The following SH3GL2 variants were observed in gnomAD, a reference collection of about 807,000 sequenced individuals.
SH3GL2 encodes the protein SH3 domain containing GRB2 like 2, endophilin A1.
A neutral mutation model predicts 46.0 loss-of-function variants in SH3GL2; 24 were observed. The ratio of observed to expected loss-of-function variants is 0.52; its 90% CI spans 0.38 to 0.73. SH3GL2 has a LOEUF of 0.73. Among genes scored for constraint, SH3GL2 ranks in the 30% least tolerant of loss-of-function variants. The pLI is 0.00. For missense variants in SH3GL2, 413 were observed against 424.2 expected, an observed-to-expected ratio of 0.97 and a Z score of 0.23; for synonymous variants, 196 against 147.1, an observed-to-expected ratio of 1.33 and a Z score of -2.40.
intron 1 of SH3GL2, among the ~76,000 whole-genome samples, chr9:17,626,816 C>G (rs1819292228): frequency 6.6e-6 from 1 of 152,304 alleles, no homozygotes; most frequent in South Asian, 2.1e-4. Flanking sequence ...GCCTTTACCT[C>G]CCGTGTCTCT....
At chr9:17,689,924 G>A (rs1365123910) in intron 1 of SH3GL2, among the ~76,000 whole-genome samples, 1 of 152,072 alleles carries the variant, frequency 6.6e-6, no homozygotes, top group East Asian at 1.9e-4. Flanking sequence ...AATTCTGTTT[G>A]TTCCTCTGTC....
chr9:17,687,181 T>C (rs889844455), intron 1 of SH3GL2, among the ~76,000 whole-genome samples: 3 of 152,160 alleles, frequency 2.0e-5, no homozygotes, highest in Admixed American at 6.5e-5. Context: ...ATTTTTCTTA[T>C]AATCATTTCA....
At chr9:17,793,228 G>A in intron 7 of SH3GL2, 139 bp from the exon 8 acceptor site, 1 of 708,344 alleles carries the variant, frequency 1.4e-6, no homozygotes, top group Admixed American at 3.1e-5. Context: ...AGAAAACTAA[G>A]GGTCCTTTTT....
At chr9:17,685,001 T>G (rs775003756) in intron 1 of SH3GL2, among the ~76,000 whole-genome samples, 21 of 152,142 alleles carry the variant, frequency 1.4e-4, no homozygotes, top group Admixed American at 1.2e-3. Context: ...TGAATTTGTC[T>G]GTGATGTTTG....
At chr9:17,603,719 G>A (rs1396759912) in intron 1 of SH3GL2, among the ~76,000 whole-genome samples, 1 of 152,128 alleles carries the variant, frequency 6.6e-6, no homozygotes, top group East Asian at 1.9e-4. Context: ...AATTAGCCGA[G>A]TGTGGTGGTG....
intron 1 of SH3GL2, among the ~76,000 whole-genome samples, chr9:17,699,216 C>T (rs960519088): frequency 4.7e-5 from 7 of 150,062 alleles, no homozygotes; most frequent in Non-Finnish European, 8.9e-5. Flanking sequence ...AGCCAAAATT[C>T]GGTGAAATAT....
At chr9:17,666,316 ATT>A (rs1820339837) in intron 1 of SH3GL2, among the ~76,000 whole-genome samples, 1 of 151,780 alleles carries the variant, frequency 6.6e-6, no homozygotes, top group South Asian at 2.1e-4. Flanking sequence ...GATTTTATTT[ATT>A]TGGATATATG....
Position 17,707,437 on chromosome 9 carries a change from A to T in SH3GL2, c.46-39629A>T, listed in dbSNP as rs144891814. The stretch of plus-strand genomic sequence containing the variant: ...TCTTTTATGTGTTTGAAAGCTGTGC[A>T]ATCAAAGGACAATGGAGACAGAACA... On this transcript the variant is annotated intron_variant, in intron 1 of 8. Coordinates refer to ENST00000380607, the MANE Select transcript of SH3GL2 (RefSeq NM_003026.5). 2.2e-3 allele frequency among the ~76,000 whole-genome samples: 328 copies of T among 152,180 alleles called. 3 individuals are homozygous for T. Among genetic ancestry groups the T allele is most frequent in the African/African-American group, 7.6e-3 (317 of 41,542 alleles).
intron 1 of SH3GL2, among the ~76,000 whole-genome samples, chr9:17,614,295 G>GAAAAAAAAAAAAAAAAAAAAA: frequency 1.4e-5 from 1 of 70,302 alleles, no homozygotes. Context: ...CATGGTTTCT[G>GAAAAAAAAAAAAAAAAAAAAA]AAAAAAAAAA....
intron 1 of SH3GL2, among the ~76,000 whole-genome samples, chr9:17,742,727 G>A (rs1822561491): frequency 6.6e-6 from 1 of 152,182 alleles, no homozygotes; most frequent in South Asian, 2.1e-4. Flanking sequence ...GAGTGTATGG[G>A]AAGTATAATA....
chr9:17,782,661 C>T (rs1823843826), intron 3 of SH3GL2, among the ~76,000 whole-genome samples: 1 of 152,262 alleles, frequency 6.6e-6, no homozygotes, highest in South Asian at 2.1e-4. Context: ...TATCAGCAGC[C>T]TCTAGTGCCA....
intron 1 of SH3GL2, among the ~76,000 whole-genome samples, chr9:17,609,462 C>G (rs1818820625): frequency 6.6e-6 from 1 of 152,034 alleles, no homozygotes; most frequent in Non-Finnish European, 1.5e-5. Flanking sequence ...AGAATAGAGG[C>G]ATGAAGTTGG....
At chr9:17,760,653 A>G (rs1288613767) in intron 2 of SH3GL2, among the ~76,000 whole-genome samples, 2 of 152,178 alleles carry the variant, frequency 1.3e-5, no homozygotes, top group African/African-American at 2.4e-5. Flanking sequence ...CCTATGTCAT[A>G]TATTACATGT....
At chr9:17,655,800 C>G (rs1160040519) in intron 1 of SH3GL2, among the ~76,000 whole-genome samples, 1 of 152,176 alleles carries the variant, frequency 6.6e-6, no homozygotes, top group African/African-American at 2.4e-5. Context: ...CTGTTGCTCT[C>G]TGAGGGTTAC....
rs1051537148 is a variant in SH3GL2 at position 17,663,563 on chromosome 9, C to A, written c.46-83503C>A. ...TCAAAAAACGTGACCACTCAGGGTT[C>A]TGAAATACGGATTTATTGTTGTTCT... On this transcript the variant is annotated intron_variant, in intron 1 of 8. Transcript: ENST00000380607. Among the ~76,000 whole-genome samples, 5 of 152,142 alleles carry A rather than the reference C, an allele frequency of 3.3e-5. No homozygotes were observed. In the South Asian group the frequency reaches 1.0e-3, roughly 31 times the overall value.
At chr9:17,792,201 C>G (rs957841665) in intron 7 of SH3GL2, among the ~76,000 whole-genome samples, 2 of 152,170 alleles carry the variant, frequency 1.3e-5, no homozygotes, top group Non-Finnish European at 2.9e-5. Flanking sequence ...AGGCTGATCT[C>G]ATTTCAGTAT....
At chr9:17,789,733 T>G in intron 6 of SH3GL2, 183 bp downstream of exon 6, 1 of 1,361,652 alleles carries the variant, frequency 7.3e-7, no homozygotes, top group Non-Finnish European at 9.5e-7. Flanking sequence ...GAAAAGTTTC[T>G]TCTGCATTCC....
intron 1 of SH3GL2, among the ~76,000 whole-genome samples, chr9:17,587,158 C>T (rs913437380): frequency 1.3e-5 from 2 of 152,108 alleles, no homozygotes; most frequent in African/African-American, 4.8e-5. Flanking sequence ...GCCAAGATCA[C>T]ACCGTTGCAC....
chr9:17,604,209 G>C (rs1818719902), intron 1 of SH3GL2, among the ~76,000 whole-genome samples: 1 of 152,172 alleles, frequency 6.6e-6, no homozygotes, highest in Non-Finnish European at 1.5e-5. Context: ...GTTTCCTGGA[G>C]AGGCTGTGCA....
Sources: allele counts gnomAD v4.1 joint callset (sites outside exome capture counted in the v4.1 genomes callset), GRCh38; gene constraint gnomAD v4.1.1; transcripts MANE v1.5; gene names NCBI Gene and HGNC (gene_info 2026-07-23, HGNC 2026-07-21).